PLCH2: variants seen among roughly 807,000 people sequenced by gnomAD.
PLCH2 encodes the protein 1-phosphatidylinositol 4,5-bisphosphate phosphodiesterase eta-2.
Under a neutral mutation model 134.7 loss-of-function variants are expected in PLCH2, and 98 were observed. The ratio of observed to expected loss-of-function variants is 0.73; its 90% CI spans 0.62 to 0.86. The LOEUF (loss-of-function observed/expected upper bound fraction) is 0.86. Ranked by LOEUF, PLCH2 falls within the 40% of genes least tolerant of loss-of-function variation. The probability of loss-of-function intolerance (pLI) is 0.00; values close to 1 mark genes in which losing one functional copy is unlikely to be tolerated. For missense variants in PLCH2, 1,994 were observed against 1,986.6 expected (o/e 1.00, Z -0.07); for synonymous variants, 974 against 827.5 (o/e 1.18, Z -3.04).
chr1:2,432,649 CTG>C (rs1639122591), intron 2 of PLCH2, among the ~76,000 whole-genome samples: 1 of 152,168 alleles, frequency 6.6e-6, no homozygotes, highest in South Asian at 2.1e-4. Flanking sequence ...TGATGAGGGT[CTG>C]AGCTGCCCAG....
At chr1:2,430,861 G>A (rs1639035190) in intron 2 of PLCH2, among the ~76,000 whole-genome samples, 1 of 152,202 alleles carries the variant, frequency 6.6e-6, no homozygotes, top group Non-Finnish European at 1.5e-5. Flanking sequence ...CTCAGTGTGT[G>A]TCCCTTCGTG....
At chr1:2,493,891 G>C (rs1351098535) in intron 11 of PLCH2, 1 of 153,290 alleles carries the variant, frequency 6.5e-6, no homozygotes, top group African/African-American at 2.4e-5. Context: ...CTTTGCAGCA[G>C]TGTGGGAGCA....
At position 2,436,545 on chromosome 1, in the gene PLCH2, TC is replaced by T. The variant is rs113757854; in HGVS notation, c.115+5919del. 8.4e-3 allele frequency among the ~76,000 whole-genome samples: 187 copies of T among 22,312 alleles called. 8 individuals are homozygous for T. Among genetic ancestry groups the T allele is most frequent in the East Asian group, 0.071 (11 of 156 alleles). The allele number at this position is 22,312 out of a possible 152,430, so 14.6% of individuals were successfully genotyped here. A position where few individuals can be genotyped will look rare whatever the true frequency, so the allele number is the denominator to read the frequency against. ...TCCTCCTTTCCTCCTTCCTCCCTCC[TC>T]CCTTCCTCCCTCCACCTTTCCTCCT... On this transcript the variant is annotated intron_variant, in intron 2 of 3. Transcript: ENST00000609981.
At position 2,436,534 on chromosome 1, in the gene PLCH2, T is replaced by C. The variant is rs974427007; in HGVS notation, c.115+5905T>C. The stretch of plus-strand genomic sequence containing the variant: ...TCCTTCCTCCCTCCTCCTTTCCTCC[T>C]TCCTCCCTCCTCCCTTCCTCCCTCC... On this transcript the variant is annotated intron_variant, in intron 2 of 3. Transcript: ENST00000609981. Among the ~76,000 whole-genome samples, 166 of 22,276 alleles carry C rather than the reference T, an allele frequency of 7.5e-3. 5 individuals carry two copies. The highest frequency in any genetic ancestry group is 0.066 in the East Asian group (11 of 166). The allele number at this position is 22,276 out of a possible 152,430, so 14.6% of individuals were successfully genotyped here.
intron 2 of PLCH2, among the ~76,000 whole-genome samples, chr1:2,435,362 C>T (rs750970399): frequency 3.3e-5 from 5 of 152,164 alleles, no homozygotes; most frequent in Admixed American, 1.3e-4. Context: ...GTGAGGCTCA[C>T]GCCCAGGGGT....
At chr1:2,495,977 C>T (rs1192635450) in intron 13 of PLCH2, among the ~76,000 whole-genome samples, 2 of 152,138 alleles carry the variant, frequency 1.3e-5, no homozygotes, top group African/African-American at 2.4e-5. Flanking sequence ...GGAGGCCTTC[C>T]TCAGCACTGT....
At chr1:2,463,658 C>T (rs1035110434), upstream of PLCH2, among the ~76,000 whole-genome samples, 4 of 152,216 alleles carry the variant, frequency 2.6e-5, no homozygotes, top group African/African-American at 7.2e-5. Context: ...GCCCGCGACC[C>T]GAGAACAGGG....
chr1:2,439,250 C>T lies in PLCH2; in HGVS notation c.115+8621C>T, dbSNP rs1268533818. On this transcript the variant is annotated intron_variant, in intron 2 of 3. Transcript: ENST00000609981. This position sits in a 1 kb window ranked among gnomAD's most constrained non-coding sequence, Gnocchi z 4.7. ...GTGCCTATAAAGACCTTTGGCCCCC[C>T]CGAGGGTGTCCTCACCCTTCTCGCT... is the stretch of plus-strand genomic sequence containing the variant. Among the ~76,000 whole-genome samples the T allele has an allele frequency of 6.6e-6, 1 of 152,182 alleles. No homozygotes were observed. Among genetic ancestry groups the T allele is most frequent in the Non-Finnish European group, 1.5e-5 (1 of 68,038 alleles).
At chr1:2,503,276 CCT>C (rs1643340722) in intron 21 of PLCH2, 2 of 564,404 alleles carry the variant, frequency 3.5e-6, no homozygotes, top group Admixed American at 3.1e-5. Flanking sequence ...CTGCATGGCC[CCT>C]GATGCCTTTC....
At chr1:2,424,049 GTTTA>G (rs1638653187), upstream of PLCH2, among the ~76,000 whole-genome samples, 1 of 152,002 alleles carries the variant, frequency 6.6e-6, no homozygotes. Context: ...TGCCCGGCCT[GTTTA>G]TTTTTAAATT....
At chr1:2,491,147 A>C in intron 10 of PLCH2, 45 bp from the exon 11 acceptor site, 1 of 1,577,694 alleles carries the variant, frequency 6.3e-7, no homozygotes, top group Non-Finnish European at 8.6e-7. Context: ...CACTACTCGC[A>C]GGGCTCGGGA....
intron 6 of PLCH2, 39 bp from the exon 7 acceptor site, chr1:2,487,134 G>A: frequency 1.3e-6 from 2 of 1,530,474 alleles, no homozygotes; most frequent in African/African-American, 1.4e-5. Context: ...CGAGGCTGGT[G>A]GTGGGCTGAC....
chr1:2,489,299 TG>T lies in PLCH2; in HGVS notation c.1330del (p.Asp444ThrfsTer5), dbSNP rs1258218963. On this transcript the variant is annotated frameshift_variant, in exon 9 of 22. Coordinates refer to ENST00000378486, the MANE Select transcript of PLCH2 (RefSeq NM_014638.4). LOFTEE classifies it high-confidence loss of function. ...QYLTDILGDKLDLSSVSSEDA... is the reference protein window; with the variant it reads ...QYLTDILGDKXDLSSVSSEDA... ...CTGACTGACATCCTTGGGGACAAGC[TG>T]GACCTGTCATCAGTGAGCAGTGAAG... The T allele has an allele frequency of 6.2e-7, 1 of 1,613,894 alleles. No individual in the cohort carries two copies. The highest frequency in any genetic ancestry group is 1.3e-5 in the African/African-American group (1 of 75,066).
chr1:2,481,436 G>A (rs1431637152), intron 4 of PLCH2, among the ~76,000 whole-genome samples: 1 of 152,238 alleles, frequency 6.6e-6, no homozygotes, highest in Non-Finnish European at 1.5e-5. Flanking sequence ...TTGGGCTCAG[G>A]GGCAGCTCTG....
intron 2 of PLCH2, among the ~76,000 whole-genome samples, chr1:2,454,655 G>T (rs1640401594): frequency 6.6e-6 from 1 of 152,158 alleles, no homozygotes; most frequent in Non-Finnish European, 1.5e-5. Flanking sequence ...AGTGGGGAGG[G>T]GCCAGGACCT....
chr1:2,443,162 C>T (rs555717804), intron 2 of PLCH2, among the ~76,000 whole-genome samples: 1 of 152,302 alleles, frequency 6.6e-6, no homozygotes, highest in African/African-American at 2.4e-5. Flanking sequence ...GTGGGCTGGC[C>T]GCCCGATGGG....
At chr1:2,462,239 C>A (rs193099375) in intron 2 of PLCH2, among the ~76,000 whole-genome samples, 107 of 113,500 alleles carry the variant, frequency 9.4e-4, no homozygotes, top group Middle Eastern at 4.3e-3. Context: ...CCGCCTGACA[C>A]CTCCTCTGAT....
At position 2,502,226 on chromosome 1, in the gene PLCH2, C is replaced by T; in HGVS notation, c.2776C>T (p.Leu926=). The T allele has an allele frequency of 1.3e-6, 2 of 1,541,290 alleles. No individual in the cohort carries two copies. Among genetic ancestry groups the T allele is most frequent in the Non-Finnish European group, 1.7e-6 (2 of 1,145,184 alleles). ...PARPSVSQRI[L]RRTASAPTKS... ...CCGGCCCTCCGTTAGCCAGCGGATC[C>T]TGCGGCGCACGGCCAGCGCCCCGAC... Residue 926 remains leucine (L), a synonymous_variant, in exon 21 of 22, where the codon CTG becomes TTG. Coordinates refer to ENST00000378486, the MANE Select transcript of PLCH2 (RefSeq NM_014638.4).
intron 4 of PLCH2, among the ~76,000 whole-genome samples, chr1:2,483,157 C>G (rs915861088): frequency 6.6e-6 from 1 of 152,210 alleles, no homozygotes; most frequent in African/African-American, 2.4e-5. Flanking sequence ...CTTCTCAGGG[C>G]ACCCAGTCTG....
Sources: gnomAD v4.1 joint callset for allele counts (sites outside exome capture counted in the v4.1 genomes callset) on GRCh38, gnomAD v4.1.1 for gene constraint, Gnocchi (gnomAD v3.1) non-coding constraint, MANE v1.5 for transcripts, NCBI Gene and HGNC (gene_info 2026-07-23, HGNC 2026-07-21) for gene names.